The following GPC5 variants were observed in gnomAD, a reference collection of about 807,000 sequenced individuals.
GPC5 encodes glypican-5.
Under a neutral mutation model 53.9 loss-of-function variants are expected in GPC5, and 47 were observed. The ratio of observed to expected loss-of-function variants is 0.87; its 90% CI spans 0.69 to 1.11. GPC5 has a LOEUF of 1.11. Ranked by LOEUF, GPC5 falls within the 50% of genes most tolerant of loss-of-function variation. The pLI is 0.00. For synonymous variants in GPC5, 286 were observed against 263.3 expected (o/e 1.09, Z -0.84); for missense variants, 748 against 713.1 (o/e 1.05, Z -0.56).
chr13:92,439,705 A>C lies in GPC5; in HGVS notation c.1561+294716A>C, dbSNP rs537889927. Among the ~76,000 whole-genome samples, 9 of 152,316 alleles carry C rather than the reference A, an allele frequency of 5.9e-5. No homozygotes were observed. In the South Asian group the frequency reaches 1.9e-3, roughly 32 times the overall value. ...TCTGTGTTCAAGTCTGGAAAACCAA[A>C]GACAATGGGGGTCTATATAATGTAT... On this transcript the variant is annotated intron_variant, in intron 7 of 7. Transcript: ENST00000377067.
chr13:91,897,869 T>A (rs2039459885), intron 5 of GPC5, among the ~76,000 whole-genome samples: 1 of 152,170 alleles, frequency 6.6e-6, no homozygotes, highest in Non-Finnish European at 1.5e-5. Flanking sequence ...ACCACACAGT[T>A]CAGACACAAC....
intron 4 of GPC5, among the ~76,000 whole-genome samples, chr13:91,729,190 T>C (rs1223718121): frequency 3.3e-5 from 5 of 152,182 alleles, no homozygotes; most frequent in Non-Finnish European, 2.9e-5. Flanking sequence ...CTAGAAATGG[T>C]TATCTGTTGA....
intron 5 of GPC5, among the ~76,000 whole-genome samples, chr13:91,870,855 A>G (rs552774483): frequency 1.3e-5 from 2 of 152,342 alleles, no homozygotes; most frequent in African/African-American, 4.8e-5. Context: ...TGCATTTGGA[A>G]GGAAATACAG....
intron 7 of GPC5, among the ~76,000 whole-genome samples, chr13:92,183,783 G>A (rs2042164199): frequency 6.6e-6 from 1 of 151,908 alleles, no homozygotes; most frequent in Non-Finnish European, 1.5e-5. Flanking sequence ...AATTTTAGGT[G>A]CATATTTTGG....
intron 6 of GPC5, among the ~76,000 whole-genome samples, chr13:91,913,867 A>T (rs2039633988): frequency 6.6e-6 from 1 of 152,148 alleles, no homozygotes; most frequent in African/African-American, 2.4e-5. Flanking sequence ...GCCAGTGAAG[A>T]TTTTCCTAAA....
rs530695491 is a variant in GPC5 at position 92,134,463 on chromosome 13, C to G, written c.1402-10367C>G. On this transcript the variant is annotated intron_variant, in intron 6 of 7. Coordinates refer to ENST00000377067, the MANE Select transcript of GPC5 (RefSeq NM_004466.6). ...TGTATTACTTTTGTGGATATTTAAA[C>G]ATTCCCTATGCATATAAAGACCTAG... 2.0e-5 allele frequency among the ~76,000 whole-genome samples: 3 copies of G among 152,222 alleles called. No individual in the cohort carries two copies. The East Asian group carries it at 5.8e-4, about 29-fold the overall frequency.
At chr13:91,788,915 T>C (rs187085642) in intron 5 of GPC5, among the ~76,000 whole-genome samples, 162 of 152,296 alleles carry the variant, frequency 1.1e-3, no homozygotes, top group Non-Finnish European at 1.9e-3. Context: ...GTGCAGCATA[T>C]TGAAATCTTA....
chr13:92,090,876 G>T (rs2041374806), intron 6 of GPC5, among the ~76,000 whole-genome samples: 1 of 152,138 alleles, frequency 6.6e-6, no homozygotes, highest in South Asian at 2.1e-4. Context: ...TTTTTGTCTG[G>T]TTAAGATCAT....
In GPC5 at chr13:92,646,749, T is replaced by A. The variant is rs571663361; in HGVS notation, c.1562-219533T>A. 3.3e-5 allele frequency among the ~76,000 whole-genome samples: 5 copies of A among 152,180 alleles called. No individual in the cohort carries two copies. The East Asian group carries it at 9.6e-4, about 29-fold the overall frequency. ...CAAATCTTGCTTATATTTTACTAGA[T>A]CTATTCTGAATAATTTAATGTTTTT... is the stretch of plus-strand genomic sequence containing the variant. On this transcript the variant is annotated intron_variant, in intron 7 of 7. Transcript: ENST00000377067.
intron 6 of GPC5, among the ~76,000 whole-genome samples, chr13:92,067,127 A>G (rs2041173806): frequency 6.6e-6 from 1 of 152,112 alleles, no homozygotes; most frequent in Non-Finnish European, 1.5e-5. Flanking sequence ...TAAACATCCT[A>G]TAAAAGCATT....
At chr13:92,765,905 A>G (rs992912756) in intron 7 of GPC5, among the ~76,000 whole-genome samples, 2 of 151,868 alleles carry the variant, frequency 1.3e-5, no homozygotes, top group Non-Finnish European at 2.9e-5. Flanking sequence ...TTTAAATATA[A>G]TAATAGTAAA....
chr13:92,057,357 G>T (rs2041083644), intron 6 of GPC5, among the ~76,000 whole-genome samples: 2 of 152,140 alleles, frequency 1.3e-5, no homozygotes, highest in South Asian at 4.1e-4. Context: ...GCCTAAAACA[G>T]ACCGGAATGC....
intron 3 of GPC5, among the ~76,000 whole-genome samples, chr13:91,694,200 T>A (rs1005815667): frequency 2.6e-5 from 4 of 152,176 alleles, no homozygotes; most frequent in African/African-American, 9.7e-5. Context: ...GCACCTCAAT[T>A]TCCTCAGTGA....
intron 5 of GPC5, among the ~76,000 whole-genome samples, chr13:91,854,092 TACC>T (rs1250873542): frequency 6.7e-6 from 1 of 150,192 alleles, no homozygotes; most frequent in East Asian, 2.0e-4. Context: ...CAAGAATAGG[TACC>T]AGTGTTCTAT....
intron 2 of GPC5, among the ~76,000 whole-genome samples, chr13:91,542,211 C>T (rs1007860568): frequency 7.2e-5 from 11 of 151,764 alleles, no homozygotes; most frequent in Admixed American, 1.3e-4. Context: ...CTTTATGTAT[C>T]AAAATTACAT....
intron 2 of GPC5, among the ~76,000 whole-genome samples, chr13:91,484,374 A>G (rs1182995208): frequency 2.0e-5 from 3 of 152,346 alleles, no homozygotes; most frequent in Admixed American, 1.3e-4. Flanking sequence ...TTAAAAAAGC[A>G]TGTTTTATAT....
At chr13:92,700,065 G>A (rs190496264) in intron 7 of GPC5, among the ~76,000 whole-genome samples, 1 of 152,228 alleles carries the variant, frequency 6.6e-6, no homozygotes, top group Non-Finnish European at 1.5e-5. Flanking sequence ...GGGAGTCTAA[G>A]TATCTTTGTA....
At chr13:92,413,777 C>T (rs183711242) in intron 7 of GPC5, among the ~76,000 whole-genome samples, 4 of 152,162 alleles carry the variant, frequency 2.6e-5, no homozygotes, top group African/African-American at 7.2e-5. Context: ...CCAAGGACCA[C>T]GAAGGTTTAC....
chr13:91,478,807 A>G (rs1432969866), intron 2 of GPC5, among the ~76,000 whole-genome samples: 2 of 116,176 alleles, frequency 1.7e-5, no homozygotes, highest in Non-Finnish European at 3.5e-5. Flanking sequence ...ATATATATAT[A>G]TATATATATA....
Sources: gnomAD v4.1 joint callset for allele counts (sites outside exome capture counted in the v4.1 genomes callset) on GRCh38, gnomAD v4.1.1 for gene constraint, MANE v1.5 for transcripts, NCBI Gene and HGNC (gene_info 2026-07-23, HGNC 2026-07-21) for gene names.